Variants in SMYD3 observed in about 807,000 individuals in gnomAD.
The protein encoded by SMYD3 is SET and MYND domain containing 3, also known as histone-lysine N-methyltransferase SMYD3.
A neutral mutation model predicts 57.7 loss-of-function variants in SMYD3; 36 were observed. The ratio of observed to expected loss-of-function variants is 0.62; its 90% confidence interval spans 0.48 to 0.82. The LOEUF (loss-of-function observed/expected upper bound fraction) is 0.82. Among genes scored for constraint, SMYD3 ranks in the 40% least tolerant of loss-of-function variants. The probability of loss-of-function intolerance (pLI) is 0.00; values close to 1 mark genes in which losing one functional copy is unlikely to be tolerated. For synonymous variants in SMYD3, 211 were observed against 195.0 expected (o/e 1.08, Z -0.68); for missense variants, 515 against 538.8 (o/e 0.96, Z 0.44).
chr1:246,303,938 T>C (rs1197626), intron 5 of SMYD3, among the ~76,000 whole-genome samples: 2,282 of 152,296 alleles, frequency 0.015, 32 homozygotes, highest in African/African-American at 0.036. Context: ...TTGAGAGTGA[T>C]TTTAAAGTGA....
At chr1:246,125,077 A>AC (rs1553295580) in intron 5 of SMYD3, among the ~76,000 whole-genome samples, 8 of 104,246 alleles carry the variant, frequency 7.7e-5, no homozygotes, top group Admixed American at 4.7e-4. Flanking sequence ...GTCTCAAAAA[A>AC]AAAAAAAAAA....
chr1:245,812,502 C>G (rs1315225816), intron 10 of SMYD3, among the ~76,000 whole-genome samples: 1 of 152,142 alleles, frequency 6.6e-6, no homozygotes, highest in Admixed American at 6.6e-5. Context: ...CACCACTGTC[C>G]TCTCAGCATC....
intron 5 of SMYD3, among the ~76,000 whole-genome samples, chr1:246,106,189 A>C (rs1176729380): frequency 6.6e-6 from 1 of 152,144 alleles, no homozygotes; most frequent in Non-Finnish European, 1.5e-5. Flanking sequence ...TAAGCACTCA[A>C]AATACTCCTG....
At chr1:246,436,880 G>C (rs546278535) in intron 1 of SMYD3, among the ~76,000 whole-genome samples, 84 of 150,802 alleles carry the variant, frequency 5.6e-4, no homozygotes, top group Non-Finnish European at 1.0e-3. Context: ...AGGGAATAAG[G>C]GTCCTGCCAG....
At chr1:246,147,973 C>T (rs902303743) in intron 5 of SMYD3, among the ~76,000 whole-genome samples, 10 of 152,140 alleles carry the variant, frequency 6.6e-5, no homozygotes, top group Admixed American at 2.0e-4. Flanking sequence ...CCTCTCCTCT[C>T]CAGATGCCTG....
At chr1:245,942,333 GTTT>G (rs2057279146) in intron 5 of SMYD3, among the ~76,000 whole-genome samples, 1 of 152,172 alleles carries the variant, frequency 6.6e-6, no homozygotes, top group South Asian at 2.1e-4. Flanking sequence ...TGCAATCCTA[GTTT>G]TTAACAAAAC....
intron 5 of SMYD3, among the ~76,000 whole-genome samples, chr1:246,003,680 G>A (rs1427743140): frequency 1.3e-5 from 2 of 152,086 alleles, no homozygotes; most frequent in Non-Finnish European, 2.9e-5. Context: ...CCAATGATCT[G>A]AATTTTGAGC....
chr1:246,471,506 A>C (rs918702187), intron 1 of SMYD3, among the ~76,000 whole-genome samples: 1 of 152,312 alleles, frequency 6.6e-6, no homozygotes, highest in South Asian at 2.1e-4. Flanking sequence ...CCCATATTTT[A>C]AAATAAGACT....
chr1:245,918,960 T>C (rs2055658296), intron 7 of SMYD3, among the ~76,000 whole-genome samples: 1 of 152,148 alleles, frequency 6.6e-6, no homozygotes, highest in South Asian at 2.1e-4. Flanking sequence ...CAAGACTTTA[T>C]TACAAGGGCC....
intron 10 of SMYD3, among the ~76,000 whole-genome samples, chr1:245,796,934 C>G (rs2047548790): frequency 6.6e-6 from 1 of 152,134 alleles, no homozygotes; most frequent in Admixed American, 6.5e-5. Context: ...AAACGAAAGG[C>G]CATGACTTAA....
chr1:246,435,434 A>G (rs916308198), intron 1 of SMYD3, among the ~76,000 whole-genome samples: 2 of 152,072 alleles, frequency 1.3e-5, no homozygotes, highest in Non-Finnish European at 2.9e-5. Context: ...GTTTTATTCT[A>G]TGAAGAGACC....
intron 5 of SMYD3, among the ~76,000 whole-genome samples, chr1:246,248,813 T>TTC (rs1249286094): frequency 1.5e-5 from 2 of 137,902 alleles, no homozygotes; most frequent in African/African-American, 5.4e-5. Flanking sequence ...GGCTAATTTT[T>TTC]TTTTTTTTTT....
intron 5 of SMYD3, among the ~76,000 whole-genome samples, chr1:246,076,362 T>C (rs61271615): frequency 0.011 from 1,654 of 152,316 alleles, 31 homozygotes; most frequent in African/African-American, 0.037. Context: ...TGTCTACACA[T>C]TCACCCACAT....
rs892521173 is a variant in SMYD3 at position 245,857,884 on chromosome 1, C to T, written c.1076+612G>A. 7.2e-5 allele frequency among the ~76,000 whole-genome samples: 11 copies of T among 152,268 alleles called. No homozygotes were observed. The East Asian group carries it at 2.1e-3, about 29-fold the overall frequency. ...GTTATAAAAACATCTCAGGGCAAAA[C>T]ACCTACTGGTCTCCAGGAGCTGAGA... On this transcript the variant is annotated intron_variant, in intron 10 of 11. Coordinates refer to ENST00000490107, the MANE Select transcript of SMYD3 (RefSeq NM_001167740.2).
At chr1:246,198,330 G>A (rs1193963263) in intron 5 of SMYD3, among the ~76,000 whole-genome samples, 1 of 152,194 alleles carries the variant, frequency 6.6e-6, no homozygotes, top group Non-Finnish European at 1.5e-5. Context: ...TCTGGGCAAA[G>A]TGCAGGACTG....
intron 5 of SMYD3, among the ~76,000 whole-genome samples, chr1:246,223,699 T>C (rs143946412): frequency 2.6e-5 from 4 of 152,250 alleles, no homozygotes; most frequent in African/African-American, 9.6e-5. Context: ...AGATTTGACC[T>C]AACCTTAGAG....
intron 1 of SMYD3, among the ~76,000 whole-genome samples, chr1:246,371,764 T>C (rs933436762): frequency 6.6e-6 from 1 of 152,184 alleles, no homozygotes; most frequent in African/African-American, 2.4e-5. Context: ...TTCCTCCAAT[T>C]AGAAAACAAC....
At chr1:246,003,241 T>C (rs12563645) in intron 5 of SMYD3, among the ~76,000 whole-genome samples, 5,512 of 152,282 alleles carry the variant, frequency 0.036, 337 homozygotes, top group East Asian at 0.27. Flanking sequence ...CACAGGTCAT[T>C]AGGCTTTGGA....
chr1:246,378,816 T>C (rs1188092306), intron 1 of SMYD3, among the ~76,000 whole-genome samples: 1 of 116,204 alleles, frequency 8.6e-6, no homozygotes, highest in Non-Finnish European at 1.7e-5. Context: ...TTATATATAA[T>C]ATATTTATAT....
Sources: gnomAD v4.1 joint callset for allele counts (sites outside exome capture counted in the v4.1 genomes callset) on GRCh38, gnomAD v4.1.1 for gene constraint, MANE v1.5 for transcripts, NCBI Gene and HGNC (gene_info 2026-07-23, HGNC 2026-07-21) for gene names.